Variants in SAMD5 observed in about 807,000 individuals in gnomAD.
The protein encoded by SAMD5 is sterile alpha motif domain containing 5, also known as sterile alpha motif domain-containing protein 5.
SAMD5 carries 13 observed loss-of-function variants against 11.3 expected under a neutral mutation model. The ratio of observed to expected loss-of-function variants is 1.15; its 90% CI spans 0.75 to 1.83. The LOEUF is 1.83. SAMD5 is among the 40% of genes most tolerant of loss of function. SAMD5 has a pLI of 0.00. For synonymous variants in SAMD5, 129 were observed against 111.3 expected (o/e 1.16, Z -1.00); for missense variants, 255 against 239.1 (o/e 1.07, Z -0.44).
chr6:147,801,043 A>T, the SAMD5 span, among the ~76,000 whole-genome samples: 290 of 152,308 alleles, frequency 1.9e-3, 1 homozygote, highest in African/African-American at 6.8e-3. Flanking sequence ...AATTGAGAAG[A>T]CATTACTGGT....
chr6:147,941,446 C>T, the SAMD5 span, among the ~76,000 whole-genome samples: 1 of 152,224 alleles, frequency 6.6e-6, no homozygotes, highest in Non-Finnish European at 1.5e-5. Flanking sequence ...AACGTGCCTG[C>T]ATTTGTAACA....
downstream of SAMD5, among the ~76,000 whole-genome samples, chr6:147,740,295 C>G (rs1039370698): frequency 6.6e-6 from 1 of 152,004 alleles, no homozygotes; most frequent in East Asian, 1.9e-4. Flanking sequence ...CTCTACTGCT[C>G]AAATATCTGG....
At chr6:147,687,594 A>T (rs990614798) in intron 1 of SAMD5, among the ~76,000 whole-genome samples, 2 of 152,168 alleles carry the variant, frequency 1.3e-5, no homozygotes, top group Admixed American at 1.3e-4. Flanking sequence ...ACTGAGGAAG[A>T]ACCATTAATC....
the SAMD5 span, among the ~76,000 whole-genome samples, chr6:147,918,948 G>T: frequency 1.3e-5 from 2 of 151,996 alleles, no homozygotes; most frequent in Non-Finnish European, 2.9e-5. Flanking sequence ...CTCGTGATCT[G>T]CCTGCCTTGG....
At chr6:147,853,118 G>A in the SAMD5 span, among the ~76,000 whole-genome samples, 6 of 152,124 alleles carry the variant, frequency 3.9e-5, no homozygotes, top group African/African-American at 1.4e-4. Flanking sequence ...TCTAAAGAAT[G>A]GTAAAGTTTG....
At chr6:147,577,483 C>T (rs551768255) in intron 1 of SAMD5, among the ~76,000 whole-genome samples, 6 of 152,134 alleles carry the variant, frequency 3.9e-5, no homozygotes, top group African/African-American at 1.4e-4. Context: ...TCCCTCATTC[C>T]TTTCTTTCTT....
the SAMD5 span, among the ~76,000 whole-genome samples, chr6:147,893,116 C>T: frequency 6.6e-6 from 1 of 151,550 alleles, no homozygotes; most frequent in African/African-American, 2.4e-5. Flanking sequence ...ACAGGAGAAT[C>T]GCTTGAACCT....
chr6:147,613,718 T>G (rs1789822780), intron 1 of SAMD5, among the ~76,000 whole-genome samples: 1 of 149,134 alleles, frequency 6.7e-6, no homozygotes, highest in East Asian at 2.0e-4. Context: ...GAAGAAAGGG[T>G]AGAGGAGGAG....
chr6:147,516,844 T>C (rs981161965), intron 1 of SAMD5, among the ~76,000 whole-genome samples: 2 of 152,162 alleles, frequency 1.3e-5, no homozygotes, highest in African/African-American at 4.8e-5. Flanking sequence ...CAGTCAAAAT[T>C]AGCAGCTTTG....
chr6:147,826,535 C>G, the SAMD5 span, among the ~76,000 whole-genome samples: 1 of 152,176 alleles, frequency 6.6e-6, no homozygotes, highest in Non-Finnish European at 1.5e-5. Context: ...TACTTTACTC[C>G]TCCGAAGATC....
At chr6:147,708,962 T>G (rs1791360957) in intron 1 of SAMD5, among the ~76,000 whole-genome samples, 1 of 152,232 alleles carries the variant, frequency 6.6e-6, no homozygotes, top group Non-Finnish European at 1.5e-5. Context: ...CCCAAATAAT[T>G]TTAAAAATTG....
At chr6:147,733,740 A>G in intron 1 of SAMD5, 1 of 931,324 alleles carries the variant, frequency 1.1e-6, no homozygotes, top group Non-Finnish European at 1.3e-6. Flanking sequence ...ATTTAAAATT[A>G]TGGAAATTCT....
chr6:147,666,860 G>A (rs1284126612), intron 1 of SAMD5, among the ~76,000 whole-genome samples: 4 of 152,110 alleles, frequency 2.6e-5, no homozygotes, highest in Non-Finnish European at 2.9e-5. Context: ...GTTTATTCCC[G>A]TAAATTACAT....
chr6:147,854,890 C>T, the SAMD5 span, among the ~76,000 whole-genome samples: 1 of 152,072 alleles, frequency 6.6e-6, no homozygotes, highest in East Asian at 1.9e-4. Flanking sequence ...CTATAGTAGA[C>T]ACTATAGAGA....
rs145451433 is a variant in SAMD5 at position 147,520,915 on chromosome 6, G to A, written c.459+11528G>A. Among the ~76,000 whole-genome samples, 441 of 152,176 alleles carry A rather than the reference G, an allele frequency of 2.9e-3. 2 individuals are homozygous for A. Among genetic ancestry groups the A allele is most frequent in the African/African-American group, 0.01 (418 of 41,546 alleles). On this transcript the variant is annotated intron_variant, in intron 1 of 1. Transcript: ENST00000367474. Reference sequence around the variant, plus strand: ...TTGGCAATTTTCAAGTATACAACACGTTATTATTAACTGTAGTTCCCATGC... The same window carrying A: ...TTGGCAATTTTCAAGTATACAACACATTATTATTAACTGTAGTTCCCATGC...
intron 1 of SAMD5, among the ~76,000 whole-genome samples, chr6:147,552,657 G>A (rs1028853838): frequency 6.6e-6 from 1 of 152,162 alleles, no homozygotes; most frequent in Non-Finnish European, 1.5e-5. Flanking sequence ...AGGAAAATAA[G>A]AAAAGCCTAA....
chr6:147,698,438 C>T (rs369570438), intron 1 of SAMD5, among the ~76,000 whole-genome samples: 39 of 152,214 alleles, frequency 2.6e-4, no homozygotes, highest in Admixed American at 6.5e-5. Flanking sequence ...CTTTGATTGT[C>T]CAGCTAACTC....
the SAMD5 span, among the ~76,000 whole-genome samples, chr6:147,768,757 C>T: frequency 6.6e-6 from 1 of 152,032 alleles, no homozygotes; most frequent in Non-Finnish European, 1.5e-5. Context: ...TATCCATCAC[C>T]TCACATACTT....
At chr6:147,686,437 AT>A in intron 1 of SAMD5, among the ~76,000 whole-genome samples, 1 of 152,144 alleles carries the variant, frequency 6.6e-6, no homozygotes, top group Non-Finnish European at 1.5e-5. Context: ...ATATGGAATT[AT>A]TTTTTGTATT....
Sources: allele counts gnomAD v4.1 joint callset (sites outside exome capture counted in the v4.1 genomes callset), GRCh38; gene constraint gnomAD v4.1.1; transcripts MANE v1.5; gene names NCBI Gene and HGNC (gene_info 2026-07-23, HGNC 2026-07-21).